Variants in PDE2A observed in about 807,000 individuals in gnomAD.
The protein encoded by PDE2A is cGMP-dependent 3',5'-cyclic phosphodiesterase.
PDE2A carries 53 observed loss-of-function variants against 133.6 expected under a neutral mutation model. That is an observed-to-expected ratio of 0.40 (90% CI 0.32 to 0.50). PDE2A has a LOEUF of 0.50. Among genes scored for constraint, PDE2A ranks in the 20% least tolerant of loss-of-function variants. The pLI is 0.73. For missense variants in PDE2A, 796 were observed against 1,232.4 expected, an observed-to-expected ratio of 0.65 and a Z score of 5.30; for synonymous variants, 491 against 490.2, an observed-to-expected ratio of 1.00 and a Z score of -0.02.
At chr11:72,615,052 C>T (rs1238794616) in intron 2 of PDE2A, 2 of 496,394 alleles carry the variant, frequency 4.0e-6, no homozygotes, top group South Asian at 1.5e-5. Context: ...TCGCAGACTC[C>T]GGCTTCAGTT....
chr11:72,633,296 C>T (rs567875160), intron 2 of PDE2A, among the ~76,000 whole-genome samples: 5 of 152,172 alleles, frequency 3.3e-5, no homozygotes, highest in Non-Finnish European at 7.3e-5. Flanking sequence ...CCCCATTGTC[C>T]CACGTCCTGT....
intron 2 of PDE2A, among the ~76,000 whole-genome samples, chr11:72,628,358 TCTCA>T (rs1369956073): frequency 1.4e-5 from 2 of 145,770 alleles, no homozygotes; most frequent in Admixed American, 1.4e-4. Context: ...TGAGATGGAG[TCTCA>T]CTCTGTCACC....
intron 6 of PDE2A, among the ~76,000 whole-genome samples, chr11:72,595,602 A>C (rs968728325): frequency 1.3e-5 from 2 of 150,604 alleles, no homozygotes; most frequent in Non-Finnish European, 3.0e-5. Flanking sequence ...GGCGCCTGGG[A>C]AGCGTTTAAT....
At chr11:72,641,165 C>A (rs767616012) in intron 2 of PDE2A, among the ~76,000 whole-genome samples, 11 of 152,212 alleles carry the variant, frequency 7.2e-5, no homozygotes, top group Non-Finnish European at 1.6e-4. Context: ...TAGCCGCCCC[C>A]GTCAAGACCA....
At position 72,576,389 on chromosome 11, in the gene PDE2A, A is replaced by G. The variant is rs1201395960; in HGVS notation, c.*995T>C. The G allele has an allele frequency of 6.6e-6, 1 of 152,006 alleles. No individual in the cohort carries two copies. The highest frequency in any genetic ancestry group is 2.4e-5 in the African/African-American group (1 of 41,300). The allele number at this position is 152,006 out of a possible 1,614,324, so 9.4% of individuals were successfully genotyped here. A position where few individuals can be genotyped will look rare whatever the true frequency, so the allele number is the denominator to read the frequency against. On this transcript the variant is annotated 3_prime_UTR_variant, in exon 31 of 31. Coordinates refer to ENST00000334456, the MANE Select transcript of PDE2A (RefSeq NM_002599.5). Reference sequence around the variant, plus strand: ...CTCCCAAGCCCCAGGGCACAGGTGGATATGGCCTTGAAGAGAGAGCCCTGC... The same window carrying G: ...CTCCCAAGCCCCAGGGCACAGGTGGGTATGGCCTTGAAGAGAGAGCCCTGC...
At chr11:72,639,398 G>A (rs879567194) in intron 2 of PDE2A, among the ~76,000 whole-genome samples, 12 of 152,152 alleles carry the variant, frequency 7.9e-5, no homozygotes, top group South Asian at 4.1e-4. Context: ...TTGGCTGCTC[G>A]GCTGCTCAGC....
intron 11 of PDE2A, 110 bp from the exon 12 acceptor site, chr11:72,589,350 C>G: frequency 1.3e-6 from 1 of 798,938 alleles, no homozygotes; most frequent in Non-Finnish European, 2.1e-6. Flanking sequence ...TCAGTCAGTC[C>G]AAATGGTGGA....
At chr11:72,638,487 A>T (rs915559249) in intron 2 of PDE2A, among the ~76,000 whole-genome samples, 1 of 152,176 alleles carries the variant, frequency 6.6e-6, no homozygotes, top group Admixed American at 6.5e-5. Flanking sequence ...CAGAGGGTGC[A>T]CATGCGGAGC....
chr11:72,578,529 C>G lies in PDE2A; in HGVS notation c.2470-15G>C, dbSNP rs1197263032. 1 of 1,608,284 alleles carries G rather than the reference C, an allele frequency of 6.2e-7. No homozygotes were observed. ...TAGATCAGCTCCTGAAAGGCCAACACTCTCATCACATCCTCTATGTAGGAT... is the reference window on the plus strand; with the variant it reads ...TAGATCAGCTCCTGAAAGGCCAACAGTCTCATCACATCCTCTATGTAGGAT... On this transcript the variant is annotated splice_polypyrimidine_tract_variant and intron_variant, in intron 28 of 30. Transcript: ENST00000334456. This position sits in a 1 kb window ranked among gnomAD's most constrained non-coding sequence, Gnocchi z 4.2.
chr11:72,596,686 TG>T, intron 5 of PDE2A, 38 bp from the exon 6 acceptor site: 2 of 1,361,314 alleles, frequency 1.5e-6, no homozygotes, highest in South Asian at 1.9e-5. Context: ...CCTGCAGGGC[TG>T]GCGAGGCTCA....
chr11:72,588,960 G>T (rs773083274), intron 12 of PDE2A, 46 bp from the exon 13 acceptor site: 1 of 1,569,240 alleles, frequency 6.4e-7, no homozygotes, highest in South Asian at 1.2e-5. Context: ...GGCGCAGTAT[G>T]CTTCCCTCCT....
chr11:72,642,498 CCCCCGGCCCG>C (rs1591122369), intron 1 of PDE2A, 172 bp from the exon 2 acceptor site: 4 of 663,922 alleles, frequency 6.0e-6, no homozygotes, highest in Non-Finnish European at 7.4e-6. Flanking sequence ...CCCCCGCCCG[CCCCCGGCCCG>C]CCCCGGCCCC....
intron 17 of PDE2A, 50 bp from the exon 18 acceptor site, chr11:72,584,778 C>T (rs748538204): frequency 6.2e-7 from 1 of 1,611,020 alleles, no homozygotes; most frequent in Admixed American, 1.7e-5. Context: ...GACCCGGCCA[C>T]AGAGGGGACT....
chr11:72,624,312 C>A (rs1053814099), intron 2 of PDE2A, among the ~76,000 whole-genome samples: 1 of 152,166 alleles, frequency 6.6e-6, no homozygotes, highest in Non-Finnish European at 1.5e-5. Flanking sequence ...ATCCTTTGGA[C>A]GGTGTTACTT....
chr11:72,631,143 CAG>C, intron 2 of PDE2A: 1 of 1,544,646 alleles, frequency 6.5e-7, no homozygotes, highest in Non-Finnish European at 8.7e-7. Flanking sequence ...AGGCTGGCTG[CAG>C]AGACAAGAAG....
At chr11:72,619,358 A>G (rs1445526180) in intron 2 of PDE2A, among the ~76,000 whole-genome samples, 1 of 152,214 alleles carries the variant, frequency 6.6e-6, no homozygotes, top group African/African-American at 2.4e-5. Context: ...GCATGTGTGC[A>G]GCCTGCCCAT....
In PDE2A at chr11:72,579,326, G is replaced by A. The variant is rs1855607723; in HGVS notation, c.2314C>T (p.His772Tyr). The A allele has an allele frequency of 6.2e-7, 1 of 1,613,750 alleles. No homozygotes were observed. Among genetic ancestry groups the A allele is most frequent in the Admixed American group, 1.7e-5 (1 of 60,008 alleles). The change falls in exon 27 of 31, where the codon CAC becomes TAC. Residue 772 changes from histidine (H) to tyrosine (Y), a missense_variant. Transcript: ENST00000334456. ...RDIILATDLAHHLRIFKDLQK... is the reference protein window; with the variant it reads ...RDIILATDLAYHLRIFKDLQK... ...AGGTCCTTGAAGATGCGGAGATGGT[G>A]GGCCAGGTCTGTGGCCAAGATGATG...
At chr11:72,598,550 C>T in intron 4 of PDE2A, 1 of 1,289,142 alleles carries the variant, frequency 7.8e-7, no homozygotes, top group Middle Eastern at 2.1e-4. Context: ...ATTAATTGTC[C>T]TGGGTTCTTC....
chr11:72,666,599 C>T (rs188616733), intron 1 of PDE2A, among the ~76,000 whole-genome samples: 31 of 152,226 alleles, frequency 2.0e-4, no homozygotes, highest in African/African-American at 5.3e-4. Context: ...AGACATTAGG[C>T]GCGGCCTTAA....
Sources: allele counts gnomAD v4.1 joint callset (sites outside exome capture counted in the v4.1 genomes callset), GRCh38; gene constraint gnomAD v4.1.1; non-coding constraint Gnocchi (gnomAD v3.1); transcripts MANE v1.5; gene names NCBI Gene and HGNC (gene_info 2026-07-23, HGNC 2026-07-21).